Variants in TSGA10 observed in about 807,000 individuals in gnomAD.
The protein encoded by TSGA10 is testis specific 10, also known as testis-specific gene 10 protein.
Under a neutral mutation model 96.6 loss-of-function variants are expected in TSGA10, and 43 were observed. That is an observed-to-expected ratio of 0.44 (90% CI 0.35 to 0.57). The LOEUF is 0.57. Among genes scored for constraint, TSGA10 ranks in the 20% least tolerant of loss-of-function variants. The probability of loss-of-function intolerance (pLI) is 0.01; values close to 1 mark genes in which losing one functional copy is unlikely to be tolerated. For missense variants in TSGA10, 703 were observed against 834.4 expected, an observed-to-expected ratio of 0.84 and a Z score of 1.94; for synonymous variants, 229 against 269.9, an observed-to-expected ratio of 0.85 and a Z score of 1.48.
At chr2:99,094,681 C>T (rs74410733) in intron 10 of TSGA10, among the ~76,000 whole-genome samples, 2 of 152,082 alleles carry the variant, frequency 1.3e-5, no homozygotes, top group East Asian at 3.9e-4. Context: ...CAGGGAAATG[C>T]AAATCAAAGA....
rs559556443 is a variant in TSGA10, at chr2:99,084,030, T to C, written c.612-2633A>G. Among the ~76,000 whole-genome samples, 7 of 152,314 alleles carry C rather than the reference T, an allele frequency of 4.6e-5. No individual in the cohort carries two copies. In the South Asian group the frequency reaches 1.5e-3, roughly 32 times the overall value. On this transcript the variant is annotated intron_variant, in intron 10 of 20. Transcript: ENST00000393483. ...ATTGTGGGAAAGTGGGTGACGGGAA[T>C]ACATCGACTTATCTGTATATTTTTG...
intron 17 of TSGA10, among the ~76,000 whole-genome samples, chr2:99,034,053 C>A (rs1437658454): frequency 6.6e-6 from 1 of 152,144 alleles, no homozygotes; most frequent in Non-Finnish European, 1.5e-5. Flanking sequence ...AATGGATCTG[C>A]AACCCATTTG....
At chr2:99,024,023 T>C (rs1051650579) in intron 17 of TSGA10, among the ~76,000 whole-genome samples, 1 of 152,172 alleles carries the variant, frequency 6.6e-6, no homozygotes. Context: ...GAACATGGGA[T>C]GTGTTTCCAT....
chr2:99,084,331 C>T (rs1353967690), intron 10 of TSGA10, among the ~76,000 whole-genome samples: 4 of 152,166 alleles, frequency 2.6e-5, no homozygotes, highest in East Asian at 1.9e-4. Context: ...GACTGGATCA[C>T]GGGGGCAGGT....
chr2:99,105,953 G>T (rs898150839), intron 7 of TSGA10, among the ~76,000 whole-genome samples: 4 of 152,148 alleles, frequency 2.6e-5, no homozygotes, highest in African/African-American at 9.7e-5. Context: ...AACAGAGAAT[G>T]TTTTGCTAAG....
At chr2:99,151,832 A>C (rs2093697381) in intron 1 of TSGA10, among the ~76,000 whole-genome samples, 1 of 152,150 alleles carries the variant, frequency 6.6e-6, no homozygotes, top group Admixed American at 6.5e-5. Flanking sequence ...CTGTTTAAAA[A>C]CCTTGTTTTG....
chr2:99,037,900 G>C (rs1256533444), intron 16 of TSGA10, among the ~76,000 whole-genome samples: 3 of 151,876 alleles, frequency 2.0e-5, no homozygotes, highest in Non-Finnish European at 2.9e-5. Context: ...CTTAAGATCT[G>C]TGAGGCAAAA....
In TSGA10 at chr2:99,020,558, A is replaced by G. The variant is rs577693223; in HGVS notation, c.1615-76T>C. On this transcript the variant is annotated intron_variant, in intron 17 of 20. Transcript: ENST00000393483. ...CTATTATATTATCAGGGACTCACAA[A>G]ATTTTCATAATCTGTTATAAACTGG... is the stretch of plus-strand genomic sequence containing the variant. The G allele has an allele frequency of 5.4e-6, 6 of 1,105,788 alleles. No homozygotes were observed. The South Asian group carries it at 8.9e-5, about 16-fold the overall frequency. The allele number at this position is 1,105,788 out of a possible 1,614,324, so 68.5% of individuals were successfully genotyped here.
At chr2:99,034,430 G>C (rs1424691579) in intron 17 of TSGA10, among the ~76,000 whole-genome samples, 1 of 151,964 alleles carries the variant, frequency 6.6e-6, no homozygotes, top group Non-Finnish European at 1.5e-5. Flanking sequence ...GTTCAATAGG[G>C]TTTGGTAATA....
intron 17 of TSGA10, among the ~76,000 whole-genome samples, chr2:99,032,839 TAGAG>T (rs1210344236): frequency 6.6e-6 from 1 of 152,146 alleles, no homozygotes; most frequent in Admixed American, 6.5e-5. Flanking sequence ...AGACAATTGT[TAGAG>T]AGGATTAATG....
chr2:99,006,764 A>G (rs905682542), intron 20 of TSGA10, among the ~76,000 whole-genome samples: 24 of 152,222 alleles, frequency 1.6e-4, no homozygotes, highest in Admixed American at 6.5e-5. Context: ...AGAACTAGAA[A>G]TACCATTTGA....
chr2:99,028,322 G>C (rs2080831040), intron 17 of TSGA10, among the ~76,000 whole-genome samples: 2 of 152,190 alleles, frequency 1.3e-5, no homozygotes, highest in African/African-American at 4.8e-5. Context: ...CCCAAGCGTT[G>C]TTGAGGTACG....
At chr2:99,054,375 T>A (rs2083748621) in intron 16 of TSGA10, among the ~76,000 whole-genome samples, 1 of 152,152 alleles carries the variant, frequency 6.6e-6, no homozygotes, top group African/African-American at 2.4e-5. Context: ...CTTAATGGAT[T>A]AAAGACTTAA....
chr2:99,003,101 C>A (rs1387334376), intron 20 of TSGA10, among the ~76,000 whole-genome samples: 1 of 152,176 alleles, frequency 6.6e-6, no homozygotes, highest in Non-Finnish European at 1.5e-5. Flanking sequence ...TCGTGATCCA[C>A]CTGCCTCGGC....
At chr2:99,130,689 T>A (rs2093037572) in intron 1 of TSGA10, among the ~76,000 whole-genome samples, 1 of 152,248 alleles carries the variant, frequency 6.6e-6, no homozygotes, top group Non-Finnish European at 1.5e-5. Context: ...AGTCATGAAG[T>A]CTTTGCCCAT....
intron 1 of TSGA10, 96 bp from the exon 2 acceptor site, chr2:99,127,272 T>C: frequency 9.8e-7 from 1 of 1,017,098 alleles, no homozygotes; most frequent in Non-Finnish European, 1.2e-6. Context: ...ATAATATTCT[T>C]AGATTTTTTT....
At chr2:99,105,077 G>A (rs2091199402) in intron 9 of TSGA10, among the ~76,000 whole-genome samples, 1 of 151,970 alleles carries the variant, frequency 6.6e-6, no homozygotes, top group South Asian at 2.1e-4. Context: ...ACAAAATATG[G>A]AGATGAGAAA....
chr2:99,137,217 A>C (rs2093362093), intron 1 of TSGA10, among the ~76,000 whole-genome samples: 1 of 152,120 alleles, frequency 6.6e-6, no homozygotes, highest in Non-Finnish European at 1.5e-5. Flanking sequence ...GGCTGGTGTT[A>C]AACTCCTGAC....
chr2:99,148,281 T>C (rs2093652539), intron 1 of TSGA10: 1 of 152,230 alleles, frequency 6.6e-6, no homozygotes, highest in Non-Finnish European at 1.5e-5. Flanking sequence ...AACTCAATTT[T>C]ATTCATTTGA....
Sources: gnomAD v4.1 joint callset for allele counts (sites outside exome capture counted in the v4.1 genomes callset) on GRCh38, gnomAD v4.1.1 for gene constraint, MANE v1.5 for transcripts, NCBI Gene and HGNC (gene_info 2026-07-23, HGNC 2026-07-21) for gene names.